RECQL5: variants seen among roughly 807,000 people sequenced by gnomAD.
RECQL5 encodes RecQ like helicase 5.
RECQL5 carries 88 observed loss-of-function variants against 103.4 expected under a neutral mutation model. The observed-to-expected ratio is 0.85, with a 90% CI of 0.72 to 1.02. The LOEUF is 1.02. Among genes scored for constraint, RECQL5 ranks in the 50% least tolerant of loss-of-function variants. The pLI is 0.00. For missense variants in RECQL5, 1,232 were observed against 1,284.3 expected (o/e 0.96, Z 0.62); for synonymous variants, 552 against 507.9 (o/e 1.09, Z -1.17).
At chr17:75,657,686 C>CTACTA in intron 7 of RECQL5, among the ~76,000 whole-genome samples, 1 of 148,890 alleles carries the variant, frequency 6.7e-6, no homozygotes, top group Non-Finnish European at 1.5e-5. Context: ...TTAGAGGCTG[C>CTACTA]TGTGAACCAT....
chr17:75,643,238 TA>T (rs1352518036), intron 8 of RECQL5, among the ~76,000 whole-genome samples: 2 of 152,236 alleles, frequency 1.3e-5, no homozygotes, highest in African/African-American at 2.4e-5. Flanking sequence ...GACTTTTCCA[TA>T]AGCCAGTTTT....
At chr17:75,653,621 G>A (rs903090984) in intron 7 of RECQL5, among the ~76,000 whole-genome samples, 3 of 152,128 alleles carry the variant, frequency 2.0e-5, no homozygotes, top group Non-Finnish European at 2.9e-5. Flanking sequence ...AAAAGAGCCC[G>A]GGCATGGTGG....
chr17:75,649,540 T>C, intron 8 of RECQL5: 1 of 762,820 alleles, frequency 1.3e-6, no homozygotes, highest in Non-Finnish European at 1.6e-6. Context: ...TGTCCCTCAC[T>C]GCCAGGTGCC....
Position 75,630,618 on chromosome 17 carries a change from C to T in RECQL5, c.1718+1G>A. The T allele has an allele frequency of 6.2e-7, 1 of 1,613,440 alleles. No individual in the cohort carries two copies. The highest frequency in any genetic ancestry group is 2.2e-5 in the East Asian group (1 of 44,894). On this transcript the variant is annotated splice_donor_variant, in intron 13 of 19. Coordinates refer to ENST00000317905, the MANE Select transcript of RECQL5 (RefSeq NM_004259.7). LOFTEE classifies it high-confidence loss of function. ...CTCAGCCCAGTGATCGTGGAACTCA[C>T]TCATCAGCGGTACGTGTTGACTGGC...
chr17:75,640,867 G>T lies in RECQL5; in HGVS notation c.1230-9199C>A. 1 of 1,547,680 alleles carries T rather than the reference G, an allele frequency of 6.5e-7. No individual in the cohort carries two copies. On this transcript the variant is annotated intron_variant, in intron 8 of 19. Coordinates refer to ENST00000317905, the MANE Select transcript of RECQL5 (RefSeq NM_004259.7). The surrounding 1 kb of genome is among the most constrained non-coding windows in gnomAD (Gnocchi z 4.6). Reference sequence around the variant, plus strand: ...GCTGCTGCCCTGAGCGGAGAGGCAGGAAGGTCCAGGTGCAGCCGACACCAC... The same window carrying T: ...GCTGCTGCCCTGAGCGGAGAGGCAGTAAGGTCCAGGTGCAGCCGACACCAC...
chr17:75,666,334 T>C, intron 2 of RECQL5, 94 bp downstream of exon 2: 1 of 1,404,132 alleles, frequency 7.1e-7, no homozygotes, highest in Non-Finnish European at 9.8e-7. Context: ...GGACCAAAGG[T>C]GAGGCAGTAC....
intron 7 of RECQL5, among the ~76,000 whole-genome samples, chr17:75,656,159 C>G (rs1035210599): frequency 8.6e-4 from 131 of 152,310 alleles, no homozygotes; most frequent in African/African-American, 2.9e-3. Flanking sequence ...ACCACAACCT[C>G]CACCTCGTGG....
chr17:75,663,696 C>T (rs1053721424), intron 3 of RECQL5, among the ~76,000 whole-genome samples: 12 of 152,048 alleles, frequency 7.9e-5, no homozygotes, highest in Non-Finnish European at 1.0e-4. Flanking sequence ...ACCCTCTGAA[C>T]GATTTATACA....
chr17:75,640,730 G>T lies in RECQL5; in HGVS notation c.1230-9062C>A. The T allele has an allele frequency of 6.6e-7, 1 of 1,526,306 alleles. No homozygotes were observed. 94.5% of individuals were successfully genotyped at this position (1,526,306 alleles called of 1,614,324 possible). A position where few individuals can be genotyped will look rare whatever the true frequency, so the allele number is the denominator to read the frequency against. On this transcript the variant is annotated intron_variant, in intron 8 of 19. Transcript: ENST00000317905. The surrounding 1 kb of genome is among the most constrained non-coding windows in gnomAD (Gnocchi z 4.6). ...TGGCAGGCAGTGGGTTTCTCTGGGAGGAGGGTGGGCATCCTTTCTCTCCCC... is the reference window on the plus strand; with the variant it reads ...TGGCAGGCAGTGGGTTTCTCTGGGATGAGGGTGGGCATCCTTTCTCTCCCC...
At chr17:75,628,820 G>C (rs1253606653) in intron 16 of RECQL5, 58 bp from the exon 17 acceptor site, 1 of 1,601,104 alleles carries the variant, frequency 6.2e-7, no homozygotes, top group Admixed American at 1.8e-5. Flanking sequence ...CCTCATCCCA[G>C]GAGGCCTAGG....
chr17:75,666,618 CCT>C, intron 1 of RECQL5, 47 bp from the exon 2 acceptor site: 1 of 1,567,208 alleles, frequency 6.4e-7, no homozygotes, highest in South Asian at 1.2e-5. Context: ...CCACGAGAAC[CCT>C]CTGTTTTGCA....
At chr17:75,649,531 G>T in intron 8 of RECQL5, 1 of 638,892 alleles carries the variant, frequency 1.6e-6, no homozygotes, top group Non-Finnish European at 1.9e-6. Flanking sequence ...CACTAGCTCT[G>T]TCCCTCACTG....
intron 6 of RECQL5, among the ~76,000 whole-genome samples, chr17:75,659,536 T>C (rs1242377516): frequency 2.0e-5 from 3 of 152,148 alleles, no homozygotes; most frequent in African/African-American, 2.4e-5. Context: ...TTTAATTTTA[T>C]AGAGATGGAG....
intron 18 of RECQL5, 119 bp from the exon 19 acceptor site, chr17:75,627,811 A>C: frequency 1.2e-6 from 1 of 816,036 alleles, no homozygotes; most frequent in Non-Finnish European, 2.0e-6. Context: ...TGAGGTCAGG[A>C]GATCGAGACC....
At chr17:75,652,739 T>C (rs1355411754) in intron 7 of RECQL5, among the ~76,000 whole-genome samples, 1 of 152,104 alleles carries the variant, frequency 6.6e-6, no homozygotes, top group Non-Finnish European at 1.5e-5. Flanking sequence ...GGGAAGGAGA[T>C]GGTACTGTGA....
At chr17:75,628,632 G>A in intron 17 of RECQL5, 40 bp downstream of exon 17, 1 of 1,554,534 alleles carries the variant, frequency 6.4e-7, no homozygotes, top group Non-Finnish European at 8.6e-7. Context: ...CTCGCCCACA[G>A]CCCTTCTCTC....
rs1275881988 is a variant in RECQL5, at chr17:75,630,901, C to T, written c.1586-64G>A. On this transcript the variant is annotated intron_variant, in intron 11 of 19. Transcript: ENST00000317905. ...ACCTTCTGCGCTCTGAGGTCCCCCA[C>T]AGCCCGGATGAGAATCCTCCCTCCA... The T allele has an allele frequency of 7.6e-6, 12 of 1,581,026 alleles. 1 individual carries two copies. In the East Asian group the frequency reaches 2.3e-4, roughly 30 times the overall value.
chr17:75,653,040 C>G (rs2059574605), intron 7 of RECQL5, among the ~76,000 whole-genome samples: 1 of 152,242 alleles, frequency 6.6e-6, no homozygotes, highest in African/African-American at 2.4e-5. Context: ...AGGCACACAG[C>G]AGGCAGAGCC....
At chr17:75,654,152 T>A (rs907062278) in intron 7 of RECQL5, among the ~76,000 whole-genome samples, 1 of 152,280 alleles carries the variant, frequency 6.6e-6, no homozygotes, top group African/African-American at 2.4e-5. Context: ...CATTTTTATA[T>A]TTCCTGTGAT....
Sources: gnomAD v4.1 joint callset for allele counts (sites outside exome capture counted in the v4.1 genomes callset) on GRCh38, gnomAD v4.1.1 for gene constraint, Gnocchi (gnomAD v3.1) non-coding constraint, MANE v1.5 for transcripts, NCBI Gene and HGNC (gene_info 2026-07-23, HGNC 2026-07-21) for gene names.